The following FMN2 variants were observed in gnomAD, a reference collection of about 807,000 sequenced individuals.
FMN2 encodes formin 2.
Under a neutral mutation model 142.3 loss-of-function variants are expected in FMN2, and 51 were observed. That is an observed-to-expected ratio of 0.36 (90% CI 0.29 to 0.45). The LOEUF is 0.45. Ranked by LOEUF, FMN2 falls within the 20% of genes least tolerant of loss-of-function variation. The probability of loss-of-function intolerance (pLI) is 1.00; values close to 1 mark genes in which losing one functional copy is unlikely to be tolerated. For missense variants in FMN2, 1,936 were observed against 2,122.8 expected (o/e 0.91, Z 1.73); for synonymous variants, 882 against 869.8 (o/e 1.01, Z -0.25).
In FMN2 at chr1:240,142,974, C is replaced by G. The variant is rs905826076; in HGVS notation, c.1782+19629C>G. The G allele has an allele frequency of 3.8e-6, 6 of 1,586,192 alleles. No individual in the cohort carries two copies. The African/African-American group carries it at 8.1e-5, about 21-fold the overall frequency. The stretch of plus-strand genomic sequence containing the variant: ...GTGTGATTTGCCTAGAATAATGTTT[C>G]GAACATCCAGGAAAGAGAGAGGCAC... On this transcript the variant is annotated intron_variant, in intron 2 of 17. Coordinates refer to ENST00000319653, the MANE Select transcript of FMN2 (RefSeq NM_020066.5).
At chr1:240,222,014 A>ATT (rs71170722) in intron 6 of FMN2, among the ~76,000 whole-genome samples, 36,166 of 129,564 alleles carry the variant, frequency 0.28, 5,710 homozygotes, top group African/African-American at 0.41. Context: ...CACCCAGCTA[A>ATT]TTTTTTTTTT....
chr1:240,408,653 A>T (rs779412075), intron 15 of FMN2, among the ~76,000 whole-genome samples: 40 of 152,284 alleles, frequency 2.6e-4, no homozygotes, highest in Non-Finnish European at 4.7e-4. Flanking sequence ...GTAGTCATTT[A>T]TTTAGAGAAA....
At chr1:240,205,891 C>CTTTTT (rs57803350) in intron 4 of FMN2, among the ~76,000 whole-genome samples, 13 of 120,576 alleles carry the variant, frequency 1.1e-4, no homozygotes, top group South Asian at 2.7e-4. Context: ...TATCAGCCAT[C>CTTTTT]TTTTTTTTTT....
At chr1:240,275,450 T>C (rs1669171160) in intron 7 of FMN2, among the ~76,000 whole-genome samples, 1 of 152,154 alleles carries the variant, frequency 6.6e-6, no homozygotes, top group Non-Finnish European at 1.5e-5. Flanking sequence ...TAGTATTCCA[T>C]GGTGTATATG....
At chr1:240,273,689 G>A (rs1174215683) in intron 7 of FMN2, among the ~76,000 whole-genome samples, 3 of 53,736 alleles carry the variant, frequency 5.6e-5, no homozygotes, top group Non-Finnish European at 1.1e-4. Flanking sequence ...ACACAGGGAG[G>A]AAAAAGATGT....
At chr1:240,392,616 T>C in intron 15 of FMN2, 54 bp downstream of exon 15, 1 of 1,439,440 alleles carries the variant, frequency 6.9e-7, no homozygotes, top group Non-Finnish European at 9.4e-7. Flanking sequence ...GCTAAGTGTA[T>C]TTCATCTTAA....
At chr1:240,226,498 G>T (rs1377111315) in intron 6 of FMN2, among the ~76,000 whole-genome samples, 3 of 152,160 alleles carry the variant, frequency 2.0e-5, no homozygotes, top group African/African-American at 4.8e-5. Context: ...GAGAGAATTT[G>T]TTGCTAAAAG....
chr1:240,442,162 ACC>A (rs1675643902), intron 16 of FMN2, among the ~76,000 whole-genome samples: 1 of 151,610 alleles, frequency 6.6e-6, no homozygotes, highest in African/African-American at 2.4e-5. Context: ...TCTTTCTCTC[ACC>A]CTTTCTTCCC....
chr1:240,210,897 C>T lies in FMN2; in HGVS notation c.3921-194C>T, dbSNP rs558875394. Among the ~76,000 whole-genome samples, 413 of 152,240 alleles carry T rather than the reference C, an allele frequency of 2.7e-3. 3 individuals are homozygous for T. In the South Asian group the frequency reaches 0.027, roughly 10 times the overall value. Reference sequence around the variant, plus strand: ...AAAATTTCATTCATGGATGGTATTTCAACTTTCCCATTAAGTTGATCAAAC... The same window carrying T: ...AAAATTTCATTCATGGATGGTATTTTAACTTTCCCATTAAGTTGATCAAAC... On this transcript the variant is annotated intron_variant, in intron 5 of 17. Coordinates refer to ENST00000319653, the MANE Select transcript of FMN2 (RefSeq NM_020066.5).
chr1:240,143,304 C>T, intron 2 of FMN2: 1 of 1,522,450 alleles, frequency 6.6e-7, no homozygotes, highest in East Asian at 2.3e-5. Flanking sequence ...AGATGAGGGC[C>T]AGTGCTAAAG....
chr1:240,413,990 A>C (rs1674501474), intron 15 of FMN2, among the ~76,000 whole-genome samples: 1 of 152,220 alleles, frequency 6.6e-6, no homozygotes, highest in Non-Finnish European at 1.5e-5. Flanking sequence ...TGGGCTAGTG[A>C]AACAGAGATT....
At chr1:240,163,647 CT>C (rs1356423705) in intron 2 of FMN2, among the ~76,000 whole-genome samples, 1 of 151,980 alleles carries the variant, frequency 6.6e-6, no homozygotes, top group African/African-American at 2.4e-5. Flanking sequence ...TCTTGACAGT[CT>C]TTTGTTTTTT....
At chr1:240,214,736 G>C (rs1666829958) in intron 6 of FMN2, among the ~76,000 whole-genome samples, 1 of 152,004 alleles carries the variant, frequency 6.6e-6, no homozygotes, top group South Asian at 2.1e-4. Context: ...ATGACCCTAA[G>C]TCACCTCAGG....
chr1:240,375,372 AAAAAT>A (rs1673009784), intron 14 of FMN2, among the ~76,000 whole-genome samples: 1 of 152,212 alleles, frequency 6.6e-6, no homozygotes, highest in East Asian at 1.9e-4. Flanking sequence ...AATAAAAAAT[AAAAAT>A]AAAACAAAAA....
chr1:240,115,867 G>T (rs1662001158), intron 1 of FMN2, among the ~76,000 whole-genome samples: 1 of 152,166 alleles, frequency 6.6e-6, no homozygotes, highest in Admixed American at 6.5e-5. Flanking sequence ...TATTTTTATG[G>T]CTATTTCTTG....
chr1:240,126,918 C>T (rs555787180), intron 2 of FMN2, among the ~76,000 whole-genome samples: 1 of 151,974 alleles, frequency 6.6e-6, no homozygotes, highest in South Asian at 2.1e-4. Context: ...GAGTGAATGG[C>T]GTGGGGGTAG....
chr1:240,356,528 T>C (rs1299670163), intron 14 of FMN2, among the ~76,000 whole-genome samples: 1 of 152,182 alleles, frequency 6.6e-6, no homozygotes, highest in East Asian at 1.9e-4. Context: ...GAAAAAAATT[T>C]AACAGGAAAA....
At chr1:240,117,001 G>T (rs910899590) in intron 1 of FMN2, among the ~76,000 whole-genome samples, 13 of 151,948 alleles carry the variant, frequency 8.6e-5, no homozygotes, top group African/African-American at 3.1e-4. Context: ...AAGCATGTTT[G>T]TGTGATACTG....
At chr1:240,389,646 A>G (rs887576252) in intron 14 of FMN2, among the ~76,000 whole-genome samples, 1 of 152,334 alleles carries the variant, frequency 6.6e-6, no homozygotes, top group South Asian at 2.1e-4. Context: ...AGTTAACACC[A>G]TAAGTATGTT....
Sources: gnomAD v4.1 joint callset for allele counts (sites outside exome capture counted in the v4.1 genomes callset) on GRCh38, gnomAD v4.1.1 for gene constraint, MANE v1.5 for transcripts, NCBI Gene and HGNC (gene_info 2026-07-23, HGNC 2026-07-21) for gene names.